Variants in EXOC4 observed in about 807,000 individuals in gnomAD.
EXOC4 encodes the protein SEC8-like 1.
Under a neutral mutation model 107.2 loss-of-function variants are expected in EXOC4, and 71 were observed. That is an observed-to-expected ratio of 0.66 (90% CI 0.55 to 0.81). EXOC4 has a LOEUF of 0.81. Among genes scored for constraint, EXOC4 ranks in the 30% least tolerant of loss-of-function variants. The pLI, the probability that EXOC4 is intolerant of heterozygous loss-of-function variation, is 0.00. For synonymous variants in EXOC4, 456 were observed against 441.2 expected (o/e 1.03, Z -0.42); for missense variants, 1,108 against 1,189.6 (o/e 0.93, Z 1.01).
At chr7:133,885,819 C>T (rs988475956) in intron 11 of EXOC4, among the ~76,000 whole-genome samples, 9 of 151,988 alleles carry the variant, frequency 5.9e-5, no homozygotes, top group African/African-American at 1.9e-4. Flanking sequence ...AAGAGATGGG[C>T]ATGTTCAGAG....
intron 1 of EXOC4, among the ~76,000 whole-genome samples, chr7:133,254,679 G>C (rs1294722544): frequency 1.3e-5 from 2 of 152,178 alleles, no homozygotes. Context: ...GATGAAGCAG[G>C]CACAGTGTTA....
intron 3 of EXOC4, among the ~76,000 whole-genome samples, chr7:133,289,476 A>C (rs1794356750): frequency 6.6e-6 from 1 of 152,240 alleles, no homozygotes; most frequent in African/African-American, 2.4e-5. Flanking sequence ...AGATTTATAG[A>C]CTAGTGTTCC....
chr7:133,909,313 A>G (rs1229130787), intron 12 of EXOC4, among the ~76,000 whole-genome samples: 1 of 152,214 alleles, frequency 6.6e-6, no homozygotes, highest in East Asian at 1.9e-4. Flanking sequence ...ATAATAATCA[A>G]GTGGAAATAA....
intron 7 of EXOC4, among the ~76,000 whole-genome samples, chr7:133,456,200 C>G (rs1798459670): frequency 6.6e-6 from 1 of 152,184 alleles, no homozygotes; most frequent in Non-Finnish European, 1.5e-5. Context: ...CTAATTTCTT[C>G]TTGCAAGTTA....
At chr7:133,298,936 C>T (rs796190410) in intron 3 of EXOC4, among the ~76,000 whole-genome samples, 6 of 152,208 alleles carry the variant, frequency 3.9e-5, no homozygotes, top group African/African-American at 1.4e-4. Flanking sequence ...ATTGTATAGT[C>T]ATACTCATGG....
intron 17 of EXOC4, among the ~76,000 whole-genome samples, chr7:134,039,839 G>A (rs894969694): frequency 6.6e-6 from 1 of 152,160 alleles, no homozygotes; most frequent in African/African-American, 2.4e-5. Context: ...TTCCTCATCT[G>A]TATCTGGTCC....
intron 10 of EXOC4, among the ~76,000 whole-genome samples, chr7:133,780,921 A>G (rs756185919): frequency 6.6e-6 from 1 of 152,180 alleles, no homozygotes; most frequent in Non-Finnish European, 1.5e-5. Flanking sequence ...TGAGTATTTG[A>G]CCATCTAAGG....
chr7:133,695,113 C>T (rs116406023), intron 10 of EXOC4, among the ~76,000 whole-genome samples: 2,042 of 152,220 alleles, frequency 0.013, 40 homozygotes, highest in African/African-American at 0.046. Context: ...TGAGCCACTG[C>T]GCCCGGCCCC....
At chr7:133,695,881 A>G (rs536280380) in intron 10 of EXOC4, among the ~76,000 whole-genome samples, 82 of 152,362 alleles carry the variant, frequency 5.4e-4, no homozygotes, top group African/African-American at 1.9e-3. Flanking sequence ...GGGACCATCC[A>G]AATTCATTTG....
intron 6 of EXOC4, among the ~76,000 whole-genome samples, chr7:133,362,447 A>T (rs1796156750): frequency 6.6e-6 from 1 of 152,082 alleles, no homozygotes; most frequent in Non-Finnish European, 1.5e-5. Context: ...TCATATGGTG[A>T]TGGTTCTTCT....
chr7:133,990,525 C>CTGCAA (rs1430468021), intron 14 of EXOC4, among the ~76,000 whole-genome samples: 1 of 152,170 alleles, frequency 6.6e-6, no homozygotes, highest in African/African-American at 2.4e-5. Context: ...TCTCGGCTCA[C>CTGCAA]TGCAACCTCC....
chr7:133,897,069 C>T (rs1799332798), intron 12 of EXOC4, among the ~76,000 whole-genome samples: 1 of 149,144 alleles, frequency 6.7e-6, no homozygotes, highest in African/African-American at 2.5e-5. Context: ...TTAAGACCAA[C>T]TAAAAAGGGG....
intron 10 of EXOC4, among the ~76,000 whole-genome samples, chr7:133,687,449 G>GA (rs1198171126): frequency 3.3e-5 from 5 of 151,832 alleles, no homozygotes; most frequent in Non-Finnish European, 7.4e-5. Context: ...AAAAAAAACT[G>GA]AAACTCACCA....
chr7:134,001,636 A>G (rs1230268428), intron 15 of EXOC4, among the ~76,000 whole-genome samples: 4 of 152,172 alleles, frequency 2.6e-5, no homozygotes, highest in Admixed American at 6.5e-5. Flanking sequence ...ATTCTCTGCT[A>G]TTAATCCACT....
intron 10 of EXOC4, among the ~76,000 whole-genome samples, chr7:133,696,123 C>T (rs539340782): frequency 6.6e-6 from 1 of 152,292 alleles, no homozygotes; most frequent in South Asian, 2.1e-4. Flanking sequence ...CTGAGGTGCT[C>T]ATTAAACAGA....
intron 7 of EXOC4, among the ~76,000 whole-genome samples, chr7:133,404,611 C>A (rs1797170268): frequency 6.6e-6 from 1 of 152,050 alleles, no homozygotes; most frequent in Non-Finnish European, 1.5e-5. Context: ...CAGTTTTCAT[C>A]TTATGTTGTC....
intron 9 of EXOC4, among the ~76,000 whole-genome samples, chr7:133,529,094 T>C (rs915534157): frequency 6.6e-6 from 1 of 152,184 alleles, no homozygotes; most frequent in Non-Finnish European, 1.5e-5. Flanking sequence ...TCCCTTTCGT[T>C]ACCACCTAGT....
At chr7:133,951,713 C>T (rs930617606) in intron 14 of EXOC4, among the ~76,000 whole-genome samples, 2 of 152,160 alleles carry the variant, frequency 1.3e-5, no homozygotes, top group Non-Finnish European at 2.9e-5. Flanking sequence ...AACAGCCTTC[C>T]AAAATCCACA....
intron 9 of EXOC4, among the ~76,000 whole-genome samples, chr7:133,543,955 C>T (rs2150934391): frequency 6.6e-6 from 1 of 152,174 alleles, no homozygotes; most frequent in South Asian, 2.1e-4. Flanking sequence ...TTAGGTTTAT[C>T]TTATTTCTCC....
Sources: gnomAD v4.1 joint callset for allele counts (sites outside exome capture counted in the v4.1 genomes callset) on GRCh38, gnomAD v4.1.1 for gene constraint, MANE v1.5 for transcripts, NCBI Gene and HGNC (gene_info 2026-07-23, HGNC 2026-07-21) for gene names.